The following DENND2A variants were observed in gnomAD, a reference collection of about 807,000 sequenced individuals.
DENND2A encodes the protein DENN domain containing 2A, also known as DENN domain-containing protein 2A.
In DENND2A, 53 loss-of-function variants were observed where a neutral mutation model predicts 105.3. The observed-to-expected ratio is 0.50, with a 90% CI of 0.40 to 0.63. The LOEUF (loss-of-function observed/expected upper bound fraction) is 0.63. Ranked by LOEUF, DENND2A falls within the 30% of genes least tolerant of loss-of-function variation. The probability of loss-of-function intolerance (pLI) is 0.00; values close to 1 mark genes in which losing one functional copy is unlikely to be tolerated. For synonymous variants in DENND2A, 522 were observed against 508.4 expected, an observed-to-expected ratio of 1.03 and a Z score of -0.36; for missense variants, 1,138 against 1,279.6, an observed-to-expected ratio of 0.89 and a Z score of 1.69.
rs114941362 is a variant in DENND2A, at chr7:140,576,731, G to T, written c.1246-2723C>A. Among the ~76,000 whole-genome samples, 354 of 152,306 alleles carry T rather than the reference G, an allele frequency of 2.3e-3. 2 individuals are homozygous for T. Among genetic ancestry groups the T allele is most frequent in the African/African-American group, 8.2e-3 (341 of 41,566 alleles). ...ACAGGTCTCCAAGGAGCAATAAATT[G>T]CTTAGTGCCATAAACTTTCAGTAGA... On this transcript the variant is annotated intron_variant, in intron 5 of 19. Coordinates refer to ENST00000496613, the MANE Select transcript of DENND2A (RefSeq NM_015689.5).
chr7:140,613,989 C>G (rs150348995), intron 1 of DENND2A, among the ~76,000 whole-genome samples: 1 of 152,324 alleles, frequency 6.6e-6, no homozygotes, highest in African/African-American at 2.4e-5. Flanking sequence ...CATCACCTAC[C>G]CTTCTCCCCT....
intron 3 of DENND2A, among the ~76,000 whole-genome samples, chr7:140,590,144 CT>C (rs1798953058): frequency 1.3e-5 from 2 of 152,134 alleles, no homozygotes; most frequent in Non-Finnish European, 2.9e-5. Flanking sequence ...AATTCCAGCA[CT>C]TTGGGAGGCC....
intron 9 of DENND2A, among the ~76,000 whole-genome samples, chr7:140,563,637 C>T (rs1797718942): frequency 8.6e-6 from 1 of 116,336 alleles, no homozygotes; most frequent in East Asian, 2.7e-4. Context: ...AAATGCCTGA[C>T]ATGTAAAAAT....
chr7:140,531,178 A>G (rs966220248), intron 14 of DENND2A, among the ~76,000 whole-genome samples: 1 of 152,244 alleles, frequency 6.6e-6, no homozygotes, highest in Admixed American at 6.5e-5. Context: ...TCCTTGATCT[A>G]TAAACCACTG....
At chr7:140,578,503 C>T (rs1798401013) in intron 5 of DENND2A, among the ~76,000 whole-genome samples, 1 of 152,210 alleles carries the variant, frequency 6.6e-6, no homozygotes, top group African/African-American at 2.4e-5. Context: ...TTCACACAAA[C>T]ATACATATTT....
intron 1 of DENND2A, among the ~76,000 whole-genome samples, chr7:140,614,436 T>G (rs922822846): frequency 2.4e-4 from 37 of 152,214 alleles, no homozygotes; most frequent in African/African-American, 8.9e-4. Flanking sequence ...CTTGTGTTTC[T>G]TTTTCCCAGG....
intron 1 of DENND2A, among the ~76,000 whole-genome samples, chr7:140,618,835 G>C (rs900471170): frequency 1.3e-5 from 2 of 151,210 alleles, no homozygotes; most frequent in Non-Finnish European, 2.9e-5. Flanking sequence ...ACGGAGTCTT[G>C]CTCTGTCGCT....
intron 15 of DENND2A, among the ~76,000 whole-genome samples, chr7:140,526,754 C>T (rs1796069569): frequency 6.6e-6 from 1 of 152,180 alleles, no homozygotes; most frequent in African/African-American, 2.4e-5. Context: ...ACAGGCGTTC[C>T]TCCTGGAGCT....
intron 1 of DENND2A, among the ~76,000 whole-genome samples, chr7:140,624,000 C>T (rs968875929): frequency 1.2e-4 from 18 of 152,238 alleles, no homozygotes; most frequent in Non-Finnish European, 2.6e-4. Context: ...CCTATTTCCA[C>T]ACCTAACGCC....
At chr7:140,548,444 C>T (rs1464669477) in intron 12 of DENND2A, among the ~76,000 whole-genome samples, 1 of 150,986 alleles carries the variant, frequency 6.6e-6, no homozygotes, top group Non-Finnish European at 1.5e-5. Flanking sequence ...ATTGCTTGAG[C>T]CCAGGAATTT....
chr7:140,613,794 A>G (rs1225260070), intron 1 of DENND2A, among the ~76,000 whole-genome samples: 2 of 152,146 alleles, frequency 1.3e-5, no homozygotes, highest in African/African-American at 2.4e-5. Flanking sequence ...ACACAAAAAA[A>G]CTGCCTTCCT....
At chr7:140,626,882 T>C (rs1209369990) in intron 1 of DENND2A, among the ~76,000 whole-genome samples, 3 of 152,324 alleles carry the variant, frequency 2.0e-5, no homozygotes, top group African/African-American at 7.2e-5. Flanking sequence ...AGAGGGTTTA[T>C]CATAAGGATT....
chr7:140,587,719 A>G lies in DENND2A; in HGVS notation c.1057T>C (p.Tyr353His). The change falls in exon 4 of 20, where the codon TAC becomes CAC. Residue 353 changes from tyrosine (Y) to histidine (H), a missense_variant. Around this residue, in one of 2 missense-constraint regions of DENND2A, gnomAD observed 511 missense variants for 499.9 expected, o/e 1.02. Transcript: ENST00000496613. ...GTCAGCCCCAGCTTAGTCTGCGCGT[A>G]CCAGTCCACCCTGCTGCTCTCAGAG... is the stretch of plus-strand genomic sequence containing the variant. ...SSSESSRVDWYAQTKLGLTRT... is the reference protein window; with the variant it reads ...SSSESSRVDWHAQTKLGLTRT... The G allele has an allele frequency of 6.2e-7, 1 of 1,613,342 alleles. No individual in the cohort carries two copies. Among genetic ancestry groups the G allele is most frequent in the Non-Finnish European group, 8.5e-7 (1 of 1,179,382 alleles).
At chr7:140,520,121 T>C (rs1795801302) in intron 18 of DENND2A, among the ~76,000 whole-genome samples, 1 of 151,962 alleles carries the variant, frequency 6.6e-6, no homozygotes, top group Admixed American at 6.6e-5. Context: ...CTGGCTAACA[T>C]GGTGAAACCC....
Position 140,521,837 on chromosome 7 carries a change from A to G in DENND2A, c.2911+18T>C. On this transcript the variant is annotated intron_variant, in intron 18 of 19. Coordinates refer to ENST00000496613, the MANE Select transcript of DENND2A (RefSeq NM_015689.5). ...GAGCTCTAGCTGACTCGGCCCCAAC[A>G]GAGAAGATGCCCCTCACCTTTGGCA... 1 of 1,612,818 alleles carries G rather than the reference A, an allele frequency of 6.2e-7. No individual in the cohort carries two copies. The highest frequency in any genetic ancestry group is 8.5e-7 in the Non-Finnish European group (1 of 1,179,288).
chr7:140,627,171 T>C (rs1215290364), intron 1 of DENND2A, among the ~76,000 whole-genome samples: 2 of 152,192 alleles, frequency 1.3e-5, no homozygotes, highest in Non-Finnish European at 2.9e-5. Flanking sequence ...TAAGTAATAA[T>C]GCTCTAACAT....
chr7:140,584,167 G>A (rs1380533691), intron 5 of DENND2A, among the ~76,000 whole-genome samples: 5 of 151,250 alleles, frequency 3.3e-5, no homozygotes, highest in African/African-American at 4.9e-5. Context: ...GCTTGAACCC[G>A]GGAGGTGGAG....
intron 18 of DENND2A, among the ~76,000 whole-genome samples, chr7:140,520,686 G>A (rs1209144791): frequency 2.0e-5 from 3 of 151,566 alleles, no homozygotes; most frequent in Non-Finnish European, 4.4e-5. Flanking sequence ...AGCCTCCTGA[G>A]TAGCTGGGAT....
Position 140,559,849 on chromosome 7 carries a change from A to G in DENND2A, c.1780-32T>C. ...GGAGAAAGGTGAGAGAAAATTCGAG[A>G]ACAAATCTCAGCATGGGAAATTGAG... is the stretch of plus-strand genomic sequence containing the variant. On this transcript the variant is annotated intron_variant, in intron 9 of 19. Coordinates refer to ENST00000496613, the MANE Select transcript of DENND2A (RefSeq NM_015689.5). This position sits in a 1 kb window ranked among gnomAD's most constrained non-coding sequence, Gnocchi z 4.1. 1 of 1,519,974 alleles carries G rather than the reference A, an allele frequency of 6.6e-7. No individual in the cohort carries two copies. The allele number at this position is 1,519,974 out of a possible 1,614,324, so 94.2% of individuals were successfully genotyped here.
Sources: gnomAD v4.1 joint callset for allele counts (sites outside exome capture counted in the v4.1 genomes callset) on GRCh38, gnomAD v4.1.1 for gene constraint, gnomAD v4.1.1 regional missense constraint, Gnocchi (gnomAD v3.1) non-coding constraint, MANE v1.5 for transcripts, NCBI Gene and HGNC (gene_info 2026-07-23, HGNC 2026-07-21) for gene names.